Variants in ITGA1 observed in about 807,000 individuals in gnomAD.
ITGA1 encodes the protein integrin subunit alpha 1.
In ITGA1, 85 loss-of-function variants were observed where a neutral mutation model predicts 145.9. The ratio of observed to expected loss-of-function variants is 0.58; its 90% confidence interval spans 0.49 to 0.70. The LOEUF (loss-of-function observed/expected upper bound fraction) is 0.70. Among genes scored for constraint, ITGA1 ranks in the 30% least tolerant of loss-of-function variants. The pLI, the probability that ITGA1 is intolerant of heterozygous loss-of-function variation, is 0.00. For missense variants in ITGA1, 1,351 were observed against 1,418.7 expected (o/e 0.95, Z 0.77); for synonymous variants, 520 against 495.3 (o/e 1.05, Z -0.66).
intron 1 of ITGA1, among the ~76,000 whole-genome samples, chr5:52,799,021 C>T (rs146086000): frequency 6.6e-6 from 1 of 152,264 alleles, no homozygotes; most frequent in African/African-American, 2.4e-5. Context: ...CTATGCCAAA[C>T]TCAGATTCCT....
rs780496260 is a variant in ITGA1 at position 52,918,873 on chromosome 5, T to G, written c.2130T>G (p.Ser710=). The part of the protein sequence containing the change: ...ATVCFDVKLK[S]KEDTIYEADL... ...TGTGTTTTGATGTGAAATTAAAGTCTAAAGAAGACACGATTTATGAAGCTG... is the reference window on the plus strand; with the variant it reads ...TGTGTTTTGATGTGAAATTAAAGTCGAAAGAAGACACGATTTATGAAGCTG... Residue 710 remains serine, a synonymous_variant, in exon 16 of 29, where the codon TCT becomes TCG. Coordinates refer to ENST00000282588, the MANE Select transcript of ITGA1 (RefSeq NM_181501.2). The G allele has an allele frequency of 2.5e-6, 4 of 1,599,350 alleles. No homozygotes were observed. The highest frequency in any genetic ancestry group is 3.4e-6 in the Non-Finnish European group (4 of 1,175,394).
At chr5:52,938,764 C>A (rs1182668454) in intron 24 of ITGA1, among the ~76,000 whole-genome samples, 1 of 152,108 alleles carries the variant, frequency 6.6e-6, no homozygotes, top group Non-Finnish European at 1.5e-5. Context: ...TTACGTCTAC[C>A]TCCCATGTAG....
chr5:52,810,374 A>G (rs1413097274), intron 1 of ITGA1, among the ~76,000 whole-genome samples: 1 of 152,218 alleles, frequency 6.6e-6, no homozygotes, highest in Non-Finnish European at 1.5e-5. Context: ...TCAACATTTT[A>G]TCTTTCGTTG....
chr5:52,864,008 T>C (rs1749645609), intron 3 of ITGA1: 1 of 152,246 alleles, frequency 6.6e-6, no homozygotes, highest in Non-Finnish European at 1.5e-5. Context: ...AAACAACCTC[T>C]GGAACAAACA....
intron 1 of ITGA1, among the ~76,000 whole-genome samples, chr5:52,809,502 CTTTTTT>C (rs59067853): frequency 1.6e-5 from 2 of 122,438 alleles, no homozygotes; most frequent in South Asian, 2.6e-4. Context: ...CTCAACTTTA[CTTTTTT>C]TTTTTTTTTT....
At chr5:52,920,190 C>G in intron 16 of ITGA1, 142 bp from the exon 17 acceptor site, 1 of 596,990 alleles carries the variant, frequency 1.7e-6, no homozygotes, top group Middle Eastern at 4.5e-4. Context: ...ATTGTTATAA[C>G]AGTGTGGATA....
chr5:52,835,861 C>T (rs1035141767), intron 1 of ITGA1, among the ~76,000 whole-genome samples: 8 of 152,084 alleles, frequency 5.3e-5, no homozygotes, highest in East Asian at 1.9e-4. Context: ...AGAAAGCTTT[C>T]GAAAATTGCA....
intron 11 of ITGA1, among the ~76,000 whole-genome samples, chr5:52,899,641 C>A (rs35404784): frequency 0.17 from 26,374 of 152,028 alleles, 2,536 homozygotes; most frequent in Middle Eastern, 0.26. Context: ...AAAGTCAGCT[C>A]CCGAAGCAAT....
At chr5:52,874,536 A>G (rs1749835547) in intron 6 of ITGA1, among the ~76,000 whole-genome samples, 1 of 152,018 alleles carries the variant, frequency 6.6e-6, no homozygotes, top group South Asian at 2.1e-4. Flanking sequence ...TAAGAGACTA[A>G]TCCAAAAGGC....
intron 2 of ITGA1, among the ~76,000 whole-genome samples, chr5:52,857,763 A>G (rs1350160492): frequency 6.6e-6 from 1 of 152,168 alleles, no homozygotes; most frequent in African/African-American, 2.4e-5. Context: ...ATTTACTTTT[A>G]GGGCCTCAAC....
Position 52,952,430 on chromosome 5 carries a change from GA to G in ITGA1, c.3524del (p.Lys1175ArgfsTer13). The G allele has an allele frequency of 1.4e-6, 2 of 1,410,352 alleles. No homozygotes were observed. The highest frequency in any genetic ancestry group is 1.9e-6 in the Non-Finnish European group (2 of 1,031,432). The allele number at this position is 1,410,352 out of a possible 1,614,324, so 87.4% of individuals were successfully genotyped here. On this transcript the variant is annotated frameshift_variant, in exon 29 of 29. Transcript: ENST00000282588. LOFTEE classifies it high-confidence loss of function. ...AGATTGGATTCTTCAAAAGACCACT[GA>G]AAAAGAAAATGGAGAAATGAAATAT... ...WKIGFFKRPL[K>X]KKMEK
In ITGA1 at chr5:52,828,229, C is replaced by G. The variant is rs554764663; in HGVS notation, c.62-21136C>G. Among the ~76,000 whole-genome samples the G allele has an allele frequency of 3.3e-5, 5 of 152,296 alleles. No homozygotes were observed. In the South Asian group the frequency reaches 6.2e-4, roughly 19 times the overall value. ...TGTAACTTTTTGAAGAACTGCCAAA[C>G]TGTTTTCCATAGCAACATTACCACT... On this transcript the variant is annotated intron_variant, in intron 1 of 28. Transcript: ENST00000282588.
chr5:52,846,173 G>T (rs779531285), intron 1 of ITGA1, among the ~76,000 whole-genome samples: 6 of 152,138 alleles, frequency 3.9e-5, no homozygotes, highest in Non-Finnish European at 8.8e-5. Context: ...GGCCAAGGCA[G>T]GTAGATCATT....
At chr5:52,843,530 A>G (rs540237890) in intron 1 of ITGA1, among the ~76,000 whole-genome samples, 1 of 152,154 alleles carries the variant, frequency 6.6e-6, no homozygotes, top group Non-Finnish European at 1.5e-5. Flanking sequence ...AGGCTACAGT[A>G]ATACTCCTTG....
At chr5:52,866,145 G>T (rs1181827163) in intron 6 of ITGA1, among the ~76,000 whole-genome samples, 1 of 152,090 alleles carries the variant, frequency 6.6e-6, no homozygotes, top group Non-Finnish European at 1.5e-5. Context: ...CTCTCCAGAA[G>T]CTGGAATTAC....
At chr5:52,835,456 G>A (rs905066709) in intron 1 of ITGA1, among the ~76,000 whole-genome samples, 1 of 152,112 alleles carries the variant, frequency 6.6e-6, no homozygotes, top group Non-Finnish European at 1.5e-5. Context: ...TTCCAGAAGT[G>A]GGGAAAACTT....
chr5:52,901,237 T>C (rs1449254914), intron 11 of ITGA1, among the ~76,000 whole-genome samples: 1 of 152,174 alleles, frequency 6.6e-6, no homozygotes, highest in Admixed American at 6.5e-5. Flanking sequence ...CCAAAAACTG[T>C]AGATGGCTCT....
chr5:52,872,640 C>A (rs1001236736), intron 6 of ITGA1, among the ~76,000 whole-genome samples: 1 of 141,266 alleles, frequency 7.1e-6, no homozygotes, highest in East Asian at 2.3e-4. Context: ...CTCACTGCAA[C>A]CTCCGCCTCC....
intron 1 of ITGA1, among the ~76,000 whole-genome samples, chr5:52,805,307 A>G (rs937694967): frequency 2.0e-4 from 31 of 152,150 alleles, no homozygotes; most frequent in African/African-American, 7.2e-4. Flanking sequence ...TTTCACAAAT[A>G]CCACTTTGGC....
Sources: allele counts gnomAD v4.1 joint callset (sites outside exome capture counted in the v4.1 genomes callset), GRCh38; gene constraint gnomAD v4.1.1; transcripts MANE v1.5; gene names NCBI Gene and HGNC (gene_info 2026-07-23, HGNC 2026-07-21).